TTC39B: variants seen among roughly 807,000 people sequenced by gnomAD.
TTC39B encodes the protein tetratricopeptide repeat domain 39B.
In TTC39B, 92 loss-of-function variants were observed where a neutral mutation model predicts 96.6. The observed-to-expected ratio is 0.95, with a 90% CI of 0.80 to 1.13. The LOEUF (loss-of-function observed/expected upper bound fraction) is 1.13. Ranked by LOEUF, TTC39B falls within the 50% of genes most tolerant of loss-of-function variation. The pLI is 0.00. For synonymous variants in TTC39B, 367 were observed against 299.4 expected (o/e 1.23, Z -2.33); for missense variants, 955 against 809.3 (o/e 1.18, Z -2.18).
At chr9:15,171,862 G>C in exon 20 of TTC39B, 1 of 463,218 alleles carries the variant, frequency 2.2e-6, no homozygotes, top group Non-Finnish European at 3.8e-6. Context: ...AAATTATGTA[G>C]ACCAACAGTA....
In TTC39B at chr9:15,306,857, C is replaced by T. The variant is rs1242657809; in HGVS notation, c.240+227G>A. 6.6e-6 allele frequency among the ~76,000 whole-genome samples: 1 copy of T among 152,134 alleles called. No homozygotes were observed. Among genetic ancestry groups the T allele is most frequent in the African/African-American group, 2.4e-5 (1 of 41,454 alleles). On this transcript the variant is annotated intron_variant, in intron 1 of 19. Transcript: ENST00000512701. This position sits in a 1 kb window ranked among gnomAD's most constrained non-coding sequence, Gnocchi z 5.1. ...ATCCCCACGACTCGCGGGGCCGGCG[C>T]TCCGAACCTCGGCACTGCGTCCGCT...
At chr9:15,281,345 G>C (rs1042802269) in intron 1 of TTC39B, among the ~76,000 whole-genome samples, 1 of 152,096 alleles carries the variant, frequency 6.6e-6, no homozygotes, top group Non-Finnish European at 1.5e-5. Flanking sequence ...CCTATTCACA[G>C]TAAGTACGAA....
intron 2 of TTC39B, among the ~76,000 whole-genome samples, chr9:15,233,355 T>C (rs1402045727): frequency 6.6e-6 from 1 of 151,870 alleles, no homozygotes; most frequent in East Asian, 1.9e-4. Flanking sequence ...TCCCTCTCTC[T>C]CCCCACGGTC....
chr9:15,221,929 T>C (rs1216617504), intron 3 of TTC39B, among the ~76,000 whole-genome samples: 3 of 152,204 alleles, frequency 2.0e-5, no homozygotes, highest in Non-Finnish European at 4.4e-5. Context: ...CTAATAAAAA[T>C]AGCTTATTTT....
chr9:15,296,222 G>A (rs16932953), intron 1 of TTC39B, among the ~76,000 whole-genome samples: 2 of 152,180 alleles, frequency 1.3e-5, no homozygotes, highest in Non-Finnish European at 2.9e-5. Context: ...TTCTATCTCA[G>A]AACTTAGTCC....
chr9:15,183,384 A>G (rs1483898484), intron 16 of TTC39B: 4 of 431,638 alleles, frequency 9.3e-6, no homozygotes, highest in Non-Finnish European at 1.8e-5. Flanking sequence ...CCTTTTATTG[A>G]TAAAATCTTT....
chr9:15,282,001 G>T (rs12343695), intron 1 of TTC39B, among the ~76,000 whole-genome samples: 27,399 of 151,914 alleles, frequency 0.18, 4,936 homozygotes, highest in African/African-American at 0.47. Context: ...TTATTATGTA[G>T]GAAAACAAAC....
chr9:15,186,183 G>C (rs1180919673), intron 15 of TTC39B, among the ~76,000 whole-genome samples: 1 of 152,104 alleles, frequency 6.6e-6, no homozygotes, highest in African/African-American at 2.4e-5. Context: ...GAAATAATAT[G>C]CCTCCAATAT....
intron 1 of TTC39B, 31 bp downstream of exon 1, chr9:15,307,053 G>T: frequency 6.2e-7 from 1 of 1,604,820 alleles, no homozygotes; most frequent in South Asian, 1.1e-5. Context: ...GGGCTTCAGG[G>T]GCCGGGCCCG....
chr9:15,192,663 T>C (rs768407042), exon 9 of TTC39B: 28 of 1,614,086 alleles, frequency 1.7e-5, no homozygotes, highest in Middle Eastern at 1.6e-4. Flanking sequence ...AAGTTTGTTC[T>C]TCTGAATTTC....
chr9:15,224,320 G>A (rs1307582216), intron 3 of TTC39B: 2 of 152,590 alleles, frequency 1.3e-5, no homozygotes, highest in African/African-American at 4.8e-5. Flanking sequence ...TGGCTCTGCT[G>A]ACTGCATTCC....
chr9:15,246,712 C>T lies in TTC39B; in HGVS notation c.276-20700G>A, dbSNP rs747008942. ...AGCAACAACATGGAGAAGAACAAAG[C>T]CCCTGACAACAGTTCTAGCTAAATT... On this transcript the variant is annotated intron_variant, in intron 2 of 19. Coordinates refer to ENST00000512701, the Ensembl canonical transcript of TTC39B. 2.0e-5 allele frequency among the ~76,000 whole-genome samples: 3 copies of T among 152,340 alleles called. No individual in the cohort carries two copies. In the South Asian group the frequency reaches 6.2e-4, roughly 32 times the overall value.
At chr9:15,281,742 T>G (rs1823772864) in intron 1 of TTC39B, among the ~76,000 whole-genome samples, 1 of 150,172 alleles carries the variant, frequency 6.7e-6, no homozygotes, top group Admixed American at 6.6e-5. Context: ...AGTGGCACAA[T>G]CTAGGCTCAC....
At chr9:15,214,557 T>G (rs1820406493) in intron 3 of TTC39B, among the ~76,000 whole-genome samples, 1 of 152,160 alleles carries the variant, frequency 6.6e-6, no homozygotes, top group Non-Finnish European at 1.5e-5. Context: ...ATAACTGTTG[T>G]CTATAGGCAT....
Position 15,294,989 on chromosome 9 carries a change from C to A in TTC39B, c.240+12095G>T, listed in dbSNP as rs569940815. Among the ~76,000 whole-genome samples the A allele has an allele frequency of 2.2e-4, 34 of 152,320 alleles. 1 individual carries two copies. In the South Asian group the frequency reaches 7.0e-3, roughly 32 times the overall value. ...GAGGAGCAGGGATTCAAGCCCACGTCCAACTGACTCCAGAACTTACAACCA... is the reference window on the plus strand; with the variant it reads ...GAGGAGCAGGGATTCAAGCCCACGTACAACTGACTCCAGAACTTACAACCA... On this transcript the variant is annotated intron_variant, in intron 1 of 19. Transcript: ENST00000512701.
chr9:15,210,215 G>T, intron 5 of TTC39B, 51 bp from the exon 6 acceptor site: 2 of 1,268,248 alleles, frequency 1.6e-6, no homozygotes, highest in Non-Finnish European at 2.2e-6. Context: ...AAAAAATCAG[G>T]CTGAGCTCAT....
In TTC39B at chr9:15,281,732, A is replaced by G. The variant is rs370837561; in HGVS notation, c.241-13784T>C. Among the ~76,000 whole-genome samples, 26 of 149,186 alleles carry G rather than the reference A, an allele frequency of 1.7e-4. No homozygotes were observed. The South Asian group carries it at 5.3e-3, about 31-fold the overall frequency. Reference sequence around the variant, plus strand: ...CACTCTGTCACTCACGCTGGAGTGCAGTGGCACAATCTAGGCTCACTGCAA... The same window carrying G: ...CACTCTGTCACTCACGCTGGAGTGCGGTGGCACAATCTAGGCTCACTGCAA... On this transcript the variant is annotated intron_variant, in intron 1 of 19. Transcript: ENST00000512701.
intron 2 of TTC39B, among the ~76,000 whole-genome samples, chr9:15,254,626 A>T (rs549515856): frequency 6.6e-6 from 1 of 152,322 alleles, no homozygotes; most frequent in African/African-American, 2.4e-5. Context: ...CATCTACTGT[A>T]CCGAGACAAA....
chr9:15,215,288 C>T (rs1454427976), intron 3 of TTC39B, among the ~76,000 whole-genome samples: 1 of 151,416 alleles, frequency 6.6e-6, no homozygotes, highest in Non-Finnish European at 1.5e-5. Flanking sequence ...TGATTACAGG[C>T]TCAAAGTGCC....
Sources: gnomAD v4.1 joint callset for allele counts (sites outside exome capture counted in the v4.1 genomes callset) on GRCh38, gnomAD v4.1.1 for gene constraint, Gnocchi (gnomAD v3.1) non-coding constraint, MANE v1.5 for transcripts, NCBI Gene and HGNC (gene_info 2026-07-23, HGNC 2026-07-21) for gene names.